Variants in TAFA1 observed in about 807,000 individuals in gnomAD.
The protein encoded by TAFA1 is chemokine-like protein TAFA-1.
A neutral mutation model predicts 18.5 loss-of-function variants in TAFA1; 4 were observed. The observed-to-expected ratio is 0.22, with a 90% confidence interval of 0.11 to 0.49. The LOEUF (loss-of-function observed/expected upper bound fraction) is 0.49. Among genes scored for constraint, TAFA1 ranks in the 20% least tolerant of loss-of-function variants. The pLI is 0.98. For missense variants in TAFA1, 147 were observed against 169.0 expected (o/e 0.87, Z 0.72); for synonymous variants, 56 against 55.2 (o/e 1.01, Z -0.06).
intron 2 of TAFA1, among the ~76,000 whole-genome samples, chr3:68,397,771 C>T (rs1349792886): frequency 6.6e-6 from 1 of 152,198 alleles, no homozygotes; most frequent in Non-Finnish European, 1.5e-5. Flanking sequence ...CTAATTTATA[C>T]TCCCACCAAC....
chr3:68,412,717 T>G (rs554602317), intron 2 of TAFA1, among the ~76,000 whole-genome samples: 41 of 152,288 alleles, frequency 2.7e-4, no homozygotes, highest in Non-Finnish European at 5.1e-4. Context: ...CATCCTTTTT[T>G]ATGGCTGCAT....
intron 2 of TAFA1, among the ~76,000 whole-genome samples, chr3:68,149,098 C>G (rs1243036111): frequency 6.6e-6 from 1 of 152,142 alleles, no homozygotes; most frequent in African/African-American, 2.4e-5. Flanking sequence ...TCATTCCATC[C>G]TCCTGATGAC....
chr3:68,436,204 C>G (rs2071266043), intron 3 of TAFA1, among the ~76,000 whole-genome samples: 1 of 152,116 alleles, frequency 6.6e-6, no homozygotes, highest in African/African-American at 2.4e-5. Context: ...ATAGATATTT[C>G]CATCACAACC....
intron 2 of TAFA1, among the ~76,000 whole-genome samples, chr3:68,281,548 C>CA (rs2067897844): frequency 6.7e-6 from 1 of 149,210 alleles, no homozygotes; most frequent in African/African-American, 2.5e-5. Flanking sequence ...CGGCTCACTG[C>CA]AACCTCCACT....
At chr3:68,344,308 T>A (rs891326362) in intron 2 of TAFA1, among the ~76,000 whole-genome samples, 3 of 152,230 alleles carry the variant, frequency 2.0e-5, no homozygotes, top group African/African-American at 7.2e-5. Flanking sequence ...GGGGGCCTAC[T>A]GTACACAGTG....
At chr3:68,177,530 T>C (rs933606840) in intron 2 of TAFA1, among the ~76,000 whole-genome samples, 32 of 152,214 alleles carry the variant, frequency 2.1e-4, no homozygotes, top group African/African-American at 7.7e-4. Context: ...GCTCCTATTA[T>C]ATTCAATTTG....
intron 2 of TAFA1, among the ~76,000 whole-genome samples, chr3:68,272,983 C>T (rs558167812): frequency 7.2e-5 from 11 of 152,044 alleles, no homozygotes; most frequent in African/African-American, 2.7e-4. Context: ...GTCCGTATCT[C>T]TATGCTATCC....
intron 2 of TAFA1, among the ~76,000 whole-genome samples, chr3:68,320,304 T>G (rs2068679468): frequency 6.6e-6 from 1 of 152,130 alleles, no homozygotes; most frequent in African/African-American, 2.4e-5. Flanking sequence ...TGCAGGGGTG[T>G]GTTCTGAGTC....
At chr3:68,294,400 G>T (rs2068169282) in intron 2 of TAFA1, among the ~76,000 whole-genome samples, 1 of 152,008 alleles carries the variant, frequency 6.6e-6, no homozygotes, top group African/African-American at 2.4e-5. Context: ...GGGATATTTT[G>T]TATTTTTAAT....
chr3:68,034,262 A>C (rs1004931735), intron 2 of TAFA1, among the ~76,000 whole-genome samples: 5 of 152,190 alleles, frequency 3.3e-5, no homozygotes, highest in Non-Finnish European at 1.5e-5. Context: ...GATGCTGTTA[A>C]CTATGATGAT....
intron 2 of TAFA1, among the ~76,000 whole-genome samples, chr3:68,162,201 G>A (rs2065933098): frequency 6.6e-6 from 1 of 152,142 alleles, no homozygotes; most frequent in African/African-American, 2.4e-5. Context: ...TTCTTTGCAT[G>A]TATTTCTCAG....
intron 2 of TAFA1, among the ~76,000 whole-genome samples, chr3:68,095,150 C>T (rs559897878): frequency 6.6e-6 from 1 of 152,170 alleles, no homozygotes; most frequent in East Asian, 1.9e-4. Flanking sequence ...TTTACAGCTC[C>T]CTGGACACTC....
chr3:68,383,598 G>A (rs184892410), intron 2 of TAFA1, among the ~76,000 whole-genome samples: 74 of 152,202 alleles, frequency 4.9e-4, no homozygotes, highest in African/African-American at 1.8e-3. Flanking sequence ...TTTTGTTAAG[G>A]ATTTTTGCGT....
At chr3:68,310,969 A>C (rs1181330133) in intron 2 of TAFA1, among the ~76,000 whole-genome samples, 1 of 152,196 alleles carries the variant, frequency 6.6e-6, no homozygotes, top group Non-Finnish European at 1.5e-5. Flanking sequence ...CAATTTAAAA[A>C]GAAAGAGGTT....
chr3:68,512,909 C>T (rs146777517), intron 3 of TAFA1, among the ~76,000 whole-genome samples: 1 of 152,180 alleles, frequency 6.6e-6, no homozygotes, highest in African/African-American at 2.4e-5. Context: ...TGTCCATCTC[C>T]ACCTTTGTAC....
At chr3:68,403,537 A>T (rs1029486066) in intron 2 of TAFA1, among the ~76,000 whole-genome samples, 1 of 152,232 alleles carries the variant, frequency 6.6e-6, no homozygotes, top group Non-Finnish European at 1.5e-5. Context: ...GCTAAAAATG[A>T]TCTTCACCTT....
At chr3:68,079,715 G>A (rs1259808434) in intron 2 of TAFA1, among the ~76,000 whole-genome samples, 1 of 152,148 alleles carries the variant, frequency 6.6e-6, no homozygotes, top group Non-Finnish European at 1.5e-5. Context: ...CATTTGCTGA[G>A]GAGAGCTTTA....
At chr3:68,203,850 T>A (rs115152295) in intron 2 of TAFA1, among the ~76,000 whole-genome samples, 1 of 151,694 alleles carries the variant, frequency 6.6e-6, no homozygotes, top group African/African-American at 2.4e-5. Flanking sequence ...AATGGTTGCT[T>A]TTCTCCCTCT....
chr3:68,347,358 G>C (rs930303976), intron 2 of TAFA1, among the ~76,000 whole-genome samples: 1 of 152,138 alleles, frequency 6.6e-6, no homozygotes, highest in Non-Finnish European at 1.5e-5. Flanking sequence ...CAGGGCAAAG[G>C]CAAGAGTTTT....
Sources: gnomAD v4.1 joint callset for allele counts (sites outside exome capture counted in the v4.1 genomes callset) on GRCh38, gnomAD v4.1.1 for gene constraint, MANE v1.5 for transcripts, NCBI Gene and HGNC (gene_info 2026-07-23, HGNC 2026-07-21) for gene names.